The following CP variants were observed in gnomAD, a reference collection of about 807,000 sequenced individuals.
The protein encoded by CP is caeruloplasmin.
In CP, 64 loss-of-function variants were observed where a neutral mutation model predicts 122.4. The ratio of observed to expected loss-of-function variants is 0.52; its 90% CI spans 0.43 to 0.64. The LOEUF is 0.64. Ranked by LOEUF, CP falls within the 30% of genes least tolerant of loss-of-function variation. The pLI is 0.00. For synonymous variants in CP, 440 were observed against 436.4 expected (o/e 1.01, Z -0.10); for missense variants, 1,167 against 1,284.4 (o/e 0.91, Z 1.40).
At position 149,178,581 on chromosome 3, in the gene CP, G is replaced by C. The variant is rs1725568597; in HGVS notation, c.2712C>G (p.Tyr904Ter). Reference protein sequence around the residue: ...IGPLIVCRRPYLKVFNPRRKL... With the variant: ...IGPLIVCRRP ...TCCTTCTGGGATTGAATACTTTCAAGTAAGGTCTTCGACAAACAATCAGGG... is the reference window on the plus strand; with the variant it reads ...TCCTTCTGGGATTGAATACTTTCAACTAAGGTCTTCGACAAACAATCAGGG... Residue 904 changes from tyrosine (Y) to a stop codon, truncating the protein, a stop_gained, in exon 16 of 19, where the codon TAC becomes TAG. Transcript: ENST00000264613. LOFTEE classifies it high-confidence loss of function. 1 of 1,613,486 alleles carries C rather than the reference G, an allele frequency of 6.2e-7. No individual in the cohort carries two copies. Among genetic ancestry groups the C allele is most frequent in the African/African-American group, 1.3e-5 (1 of 74,876 alleles).
At chr3:149,167,426 A>G (rs1156341037) in intron 4 of CP, among the ~76,000 whole-genome samples, 3 of 149,464 alleles carry the variant, frequency 2.0e-5, no homozygotes, top group African/African-American at 2.4e-5. Flanking sequence ...GTTAAAATAT[A>G]TGGAGATGGT....
In CP at chr3:149,212,686, A is replaced by G; in HGVS notation, c.159T>C (p.Asn53=). The G allele has an allele frequency of 6.2e-7, 1 of 1,613,670 alleles. No individual in the cohort carries two copies. Residue 53 remains asparagine, a synonymous_variant, in exon 2 of 19, where the codon AAT becomes AAC. Transcript: ENST00000264613. ...KLISVDTEHS[N]IYLQNGPDRI... ...TATCTGGGCCATTTTGAAGATAGAT[A>G]TTGGAATGTTCCCTGCAAAGAAAAA...
At chr3:149,182,982 C>T (rs554805546) in intron 13 of CP, among the ~76,000 whole-genome samples, 1 of 152,150 alleles carries the variant, frequency 6.6e-6, no homozygotes, top group East Asian at 1.9e-4. Context: ...GAAACCTCAT[C>T]TCTACTAAAA....
chr3:149,202,351 A>G, intron 6 of CP, 110 bp from the exon 7 acceptor site: 1 of 1,358,266 alleles, frequency 7.4e-7, no homozygotes, highest in Non-Finnish European at 1.0e-6. Flanking sequence ...TTAGAGATGA[A>G]TATTATCCAT....
At chr3:149,184,282 G>A (rs913072490) in intron 12 of CP, among the ~76,000 whole-genome samples, 21 of 151,818 alleles carry the variant, frequency 1.4e-4, no homozygotes, top group African/African-American at 5.1e-4. Context: ...TGATCCGCCC[G>A]CCTCGGCCTC....
chr3:149,172,318 T>TATCACACA (rs374839757), downstream of CP: 4 of 571,846 alleles, frequency 7.0e-6, no homozygotes, highest in South Asian at 3.4e-5. Flanking sequence ...ATTTTATATA[T>TATCACACA]CACACACACA....
intron 5 of CP, among the ~76,000 whole-genome samples, chr3:149,164,259 A>C (rs143395757): frequency 6.6e-6 from 1 of 152,256 alleles, no homozygotes; most frequent in South Asian, 2.1e-4. Flanking sequence ...AAGTGTGGCA[A>C]ATGTTTAGTG....
At position 149,202,244 on chromosome 3, in the gene CP, G is replaced by A; in HGVS notation, c.1209-3C>T. 1 of 1,614,134 alleles carries A rather than the reference G, an allele frequency of 6.2e-7. No individual in the cohort carries two copies. Among genetic ancestry groups the A allele is most frequent in the Non-Finnish European group, 8.5e-7 (1 of 1,180,008 alleles). On this transcript the variant is annotated splice_polypyrimidine_tract_variant and splice_region_variant and intron_variant, in intron 6 of 18. Coordinates refer to ENST00000264613, the MANE Select transcript of CP (RefSeq NM_000096.4). ...GTTCAAAAAACACCGCTGAGTCACT[G>A]CAGGGGGAAAAAAGTGTTTAATGCT...
At chr3:149,188,546 G>GTGC (rs1200800575) in intron 9 of CP, among the ~76,000 whole-genome samples, 2 of 143,674 alleles carry the variant, frequency 1.4e-5, no homozygotes, top group Non-Finnish European at 3.0e-5. Context: ...ATATGGGTCT[G>GTGC]TGCTGGAAAT....
Position 149,173,501 on chromosome 3 carries a change from A to T in CP, c.*213T>A, listed in dbSNP as rs1725190440. On this transcript the variant is annotated 3_prime_UTR_variant, in exon 19 of 19. Coordinates refer to ENST00000264613, the MANE Select transcript of CP (RefSeq NM_000096.4). Reference sequence around the variant, plus strand: ...GAATCAGTTTTATTACCTAGTGTACAAGTGTCAGTCATGTATCATTATATA... The same window carrying T: ...GAATCAGTTTTATTACCTAGTGTACTAGTGTCAGTCATGTATCATTATATA... 2.3e-6 allele frequency: 1 copy of T among 426,552 alleles called. No homozygotes were observed. The highest frequency in any genetic ancestry group is 2.1e-5 in the African/African-American group (1 of 48,638). The allele number at this position is 426,552 out of a possible 1,614,324, so 26.4% of individuals were successfully genotyped here. A position where few individuals can be genotyped will look rare whatever the true frequency, so the allele number is the denominator to read the frequency against.
chr3:149,188,467 T>C (rs893632313), intron 9 of CP, among the ~76,000 whole-genome samples: 1 of 122,932 alleles, frequency 8.1e-6, no homozygotes, highest in East Asian at 2.2e-4. Context: ...CCTGCCCACA[T>C]TGTGCATACC....
chr3:149,218,480 G>C (rs567455620), intron 1 of CP, among the ~76,000 whole-genome samples: 3 of 152,194 alleles, frequency 2.0e-5, no homozygotes, highest in African/African-American at 7.2e-5. Flanking sequence ...TAATACCAGA[G>C]AAGTAAACTT....
chr3:149,211,196 T>A (rs556814323), intron 2 of CP, among the ~76,000 whole-genome samples: 2 of 152,320 alleles, frequency 1.3e-5, no homozygotes, highest in South Asian at 2.1e-4. Flanking sequence ...ATAAGACAAC[T>A]AATAATGAAT....
intron 6 of CP, 127 bp from the exon 7 acceptor site, chr3:149,202,368 T>C (rs1257723071): frequency 1.1e-5 from 13 of 1,175,430 alleles, no homozygotes; most frequent in East Asian, 9.5e-5. Context: ...CCATGATTTA[T>C]AGCAATCCGT....
At chr3:149,172,460 A>C, downstream of CP, 1 of 403,394 alleles carries the variant, frequency 2.5e-6, no homozygotes, top group Non-Finnish European at 4.6e-6. Context: ...GAATGTAAAA[A>C]GTCTTTAAGA....
chr3:149,192,734 A>G (rs1523513), intron 9 of CP, among the ~76,000 whole-genome samples: 64,678 of 151,620 alleles, frequency 0.43, 15,653 homozygotes, highest in East Asian at 0.55. Context: ...TTAATAATTG[A>G]AAATGAATAT....
intron 9 of CP, among the ~76,000 whole-genome samples, chr3:149,194,508 G>A (rs890670100): frequency 6.6e-6 from 1 of 151,486 alleles, no homozygotes; most frequent in Non-Finnish European, 1.5e-5. Flanking sequence ...TAAAGTGCTG[G>A]GATTACAGGT....
At position 149,210,368 on chromosome 3, in the gene CP, G is replaced by T. The variant is rs1728028515; in HGVS notation, c.406C>A (p.Pro136Thr). Residue 136 changes from proline (P) to threonine (T), a missense_variant, in exon 3 of 19, where the codon CCT becomes ACT. By Grantham distance (38) the Pro-to-Thr change is conservative (BLOSUM62 -1). Coordinates refer to ENST00000264613, the MANE Select transcript of CP (RefSeq NM_000096.4). ...YYKEHEGAIYPDNTTDFQRAD... is the reference protein window; with the variant it reads ...YYKEHEGAIYTDNTTDFQRAD... Reference sequence around the variant, plus strand: ...CTTTGAAAATCTGTGGTGTTATCAGGGTAGATGGCCCCTAGGAAGCAACAT... The same window carrying T: ...CTTTGAAAATCTGTGGTGTTATCAGTGTAGATGGCCCCTAGGAAGCAACAT... 6.2e-7 allele frequency: 1 copy of T among 1,613,926 alleles called. No individual in the cohort carries two copies. Among genetic ancestry groups the T allele is most frequent in the East Asian group, 2.2e-5 (1 of 44,878 alleles).
Position 149,206,167 on chromosome 3 carries a change from C to T in CP, c.1208+1G>A, listed in dbSNP as rs1553762556. 1 of 1,613,332 alleles carries T rather than the reference C, an allele frequency of 6.2e-7. No individual in the cohort carries two copies. Among genetic ancestry groups the T allele is most frequent in the South Asian group, 1.1e-5 (1 of 91,060 alleles). ...AATAGTACTCTTTTTTTGTAAATTA[C>T]CTTCCAGGTGCTGTTAAGTTTTCTT... On this transcript the variant is annotated splice_donor_variant, in intron 6 of 18. Coordinates refer to ENST00000264613, the MANE Select transcript of CP (RefSeq NM_000096.4). LOFTEE classifies it high-confidence loss of function.
Sources: allele counts gnomAD v4.1 joint callset (sites outside exome capture counted in the v4.1 genomes callset), GRCh38; gene constraint gnomAD v4.1.1; transcripts MANE v1.5; gene names NCBI Gene and HGNC (gene_info 2026-07-23, HGNC 2026-07-21).